DNAH10: variants seen among roughly 807,000 people sequenced by gnomAD.
DNAH10 encodes axonemal beta dynein heavy chain 10.
DNAH10 carries 348 observed loss-of-function variants against 506.6 expected under a neutral mutation model. That is an observed-to-expected ratio of 0.69 (90% CI 0.63 to 0.75). The LOEUF (loss-of-function observed/expected upper bound fraction) is 0.75, where lower values mean the gene tolerates loss of function less well. Among genes scored for constraint, DNAH10 ranks in the 30% least tolerant of loss-of-function variants. The pLI, the probability that DNAH10 is intolerant of heterozygous loss-of-function variation, is 0.00. For missense variants in DNAH10, 5,179 were observed against 5,787.1 expected, an observed-to-expected ratio of 0.89 and a Z score of 3.41; for synonymous variants, 2,059 against 2,198.6, an observed-to-expected ratio of 0.94 and a Z score of 1.78.
At chr12:123,763,816 G>A (rs2135940402) in intron 1 of DNAH10, among the ~76,000 whole-genome samples, 1 of 151,212 alleles carries the variant, frequency 6.6e-6, no homozygotes, top group East Asian at 2.0e-4. Flanking sequence ...TCCCGCCTCG[G>A]CCTCCCAAAG....
chr12:123,786,442 A>C (rs977272034), intron 9 of DNAH10, among the ~76,000 whole-genome samples: 6 of 151,202 alleles, frequency 4.0e-5, no homozygotes, highest in African/African-American at 7.3e-5. Context: ...GCCTTTTAGC[A>C]GTCAGTCCTC....
In DNAH10 at chr12:123,881,678, C is replaced by T. The variant is rs267603363; in HGVS notation, c.8688C>T (p.Phe2896=). 68 of 1,546,910 alleles carry T rather than the reference C, an allele frequency of 4.4e-5. No individual in the cohort carries two copies. Among genetic ancestry groups the T allele is most frequent in the Non-Finnish European group, 2.9e-5 (33 of 1,145,716 alleles). Residue 2896 remains phenylalanine, a synonymous_variant, in exon 51 of 79, where the codon TTC becomes TTT. Coordinates refer to ENST00000673944, the MANE Select transcript of DNAH10 (RefSeq NM_001372106.1). ...ESNTKMNLVL[F]DDALEHLTRV... is the part of the protein sequence containing the mutation. ...ACACCAAAATGAACTTGGTTCTCTT[C>T]GACGATGCTCTGGAGCATTTAACCC...
At chr12:123,874,265 G>GTCCATCCATCCATCCATCCATCCA (rs34989387) in intron 46 of DNAH10, among the ~76,000 whole-genome samples, 3 of 145,486 alleles carry the variant, frequency 2.1e-5, no homozygotes, top group Non-Finnish European at 4.5e-5. Context: ...GAGTCCGTCC[G>GTCCATCCATCCATCCATCCATCCA]TCCATCCATC....
intron 3 of DNAH10, among the ~76,000 whole-genome samples, chr12:123,772,138 G>A (rs1957275165): frequency 6.6e-6 from 1 of 152,146 alleles, no homozygotes; most frequent in Non-Finnish European, 1.5e-5. Flanking sequence ...AGTCACACAG[G>A]CATGGAGCAT....
intron 59 of DNAH10, 73 bp downstream of exon 59, chr12:123,910,745 C>G: frequency 6.5e-7 from 1 of 1,539,954 alleles, no homozygotes; most frequent in Non-Finnish European, 8.7e-7. Context: ...CATGTACATA[C>G]CTTTGCTGAA....
chr12:123,897,761 C>CG lies in DNAH10; in HGVS notation c.9281-9_9281-8insG. The CG allele has an allele frequency of 6.3e-7, 1 of 1,587,456 alleles. No individual in the cohort carries two copies. The highest frequency in any genetic ancestry group is 8.5e-7 in the Non-Finnish European group (1 of 1,173,124). On this transcript the variant is annotated splice_polypyrimidine_tract_variant and intron_variant, in intron 54 of 78. Coordinates refer to ENST00000673944, the MANE Select transcript of DNAH10 (RefSeq NM_001372106.1). ...AGAAAGAAAACATTTTTTATTCCTTCCTCTTCAGGGTATAATCCAATGATC... is the reference window on the plus strand; with the variant it reads ...AGAAAGAAAACATTTTTTATTCCTTCGCTCTTCAGGGTATAATCCAATGATC...
chr12:123,765,843 A>G (rs891654600), intron 1 of DNAH10, among the ~76,000 whole-genome samples: 2 of 146,484 alleles, frequency 1.4e-5, no homozygotes, highest in Admixed American at 6.7e-5. Flanking sequence ...CTATATATCT[A>G]TCTACCTACC....
At chr12:123,891,574 G>A (rs1049024293) in intron 52 of DNAH10, among the ~76,000 whole-genome samples, 3 of 151,542 alleles carry the variant, frequency 2.0e-5, no homozygotes, top group South Asian at 2.1e-4. Flanking sequence ...GAGGGCAGGC[G>A]GAGCACGGGG....
intron 76 of DNAH10, 81 bp downstream of exon 76, chr12:123,932,189 T>C: frequency 6.5e-7 from 1 of 1,545,130 alleles, no homozygotes; most frequent in Non-Finnish European, 8.8e-7. Context: ...ATCCCCTCTT[T>C]CCATTGCCCA....
rs373281884 is a variant in DNAH10 at position 123,838,997 on chromosome 12, A to G, written c.5136+308A>G. Among the ~76,000 whole-genome samples, 8 of 151,982 alleles carry G rather than the reference A, an allele frequency of 5.3e-5. No homozygotes were observed. The East Asian group carries it at 1.2e-3, about 22-fold the overall frequency. The stretch of plus-strand genomic sequence containing the variant: ...TGGCTAATTTTTATATATTTTTTGG[A>G]GAGATGAGGTCTCACTGTGTTACCT... On this transcript the variant is annotated intron_variant, in intron 29 of 78. Transcript: ENST00000673944.
At position 123,907,571 on chromosome 12, in the gene DNAH10, C is replaced by T. The variant is rs1338630450; in HGVS notation, c.9816-1690C>T. On this transcript the variant is annotated intron_variant, in intron 57 of 78. Transcript: ENST00000673944. The surrounding 1 kb of genome is among the most constrained non-coding windows in gnomAD (Gnocchi z 4.4). ...GCAGAAAACGTCACTTTGGTAGACT[C>T]AGAGGATTTGGGAACTGGAAGGTTC... 6.6e-6 allele frequency among the ~76,000 whole-genome samples: 1 copy of T among 152,170 alleles called. No individual in the cohort carries two copies. The highest frequency in any genetic ancestry group is 2.4e-5 in the African/African-American group (1 of 41,430).
intron 18 of DNAH10, among the ~76,000 whole-genome samples, chr12:123,806,153 A>T (rs976075037): frequency 6.6e-6 from 1 of 152,014 alleles, no homozygotes; most frequent in African/African-American, 2.4e-5. Flanking sequence ...GACTCTATGG[A>T]TTGTTAACTT....
intron 10 of DNAH10, 29 bp from the exon 11 acceptor site, chr12:123,789,898 T>G (rs772213667): frequency 6.3e-7 from 1 of 1,589,752 alleles, no homozygotes; most frequent in Non-Finnish European, 8.6e-7. Context: ...CCAAATGTAA[T>G]CTCCTCATTG....
At chr12:123,823,193 G>A (rs1959604362) in intron 24 of DNAH10, among the ~76,000 whole-genome samples, 1 of 152,202 alleles carries the variant, frequency 6.6e-6, no homozygotes, top group Admixed American at 6.5e-5. Flanking sequence ...CAGGCAGAGC[G>A]CTGGGCAGGA....
Position 123,800,373 on chromosome 12 carries a change from A to G in DNAH10, c.2447A>G (p.Glu816Gly), listed in dbSNP as rs186639935. The change falls in exon 15 of 79, where the codon GAA becomes GGA. Residue 816 changes from glutamate (E) to glycine (G), a missense_variant. By Grantham distance (98) the Glu-to-Gly change is moderately conservative. Coordinates refer to ENST00000673944, the MANE Select transcript of DNAH10 (RefSeq NM_001372106.1). ...PELARNVALQ[E>G]DKFLRYTAGI... ...TTAGCAAGAAATGTTGCTCTCCAGG[A>G]AGACAAATTCCTTAGGTAAAAAAAT... 1.6e-5 allele frequency: 26 copies of G among 1,613,408 alleles called. No individual in the cohort carries two copies. The African/African-American group carries it at 2.9e-4, about 18-fold the overall frequency.
chr12:123,767,488 C>G, intron 1 of DNAH10, 118 bp from the exon 2 acceptor site: 1 of 886,792 alleles, frequency 1.1e-6, no homozygotes, highest in Non-Finnish European at 1.7e-6. Flanking sequence ...TGTAACATAA[C>G]GAGTCTCCTG....
At chr12:123,889,858 G>A (rs1952899470) in intron 52 of DNAH10, among the ~76,000 whole-genome samples, 1 of 152,194 alleles carries the variant, frequency 6.6e-6, no homozygotes. Flanking sequence ...CTGTTTCCCT[G>A]TCTCTTCCAA....
chr12:123,807,047 C>T (rs373257566), intron 18 of DNAH10, among the ~76,000 whole-genome samples: 6 of 152,290 alleles, frequency 3.9e-5, no homozygotes, highest in African/African-American at 7.2e-5. Context: ...GGATTACAGG[C>T]GTGAGCCACC....
chr12:123,926,297 T>A lies in DNAH10; in HGVS notation c.11922-340T>A. 2 of 240,154 alleles carry A rather than the reference T, an allele frequency of 8.3e-6. No homozygotes were observed. The highest frequency in any genetic ancestry group is 7.8e-6 in the Non-Finnish European group (1 of 127,762). 14.9% of individuals were successfully genotyped at this position (240,154 alleles called of 1,614,324 possible). A position where few individuals can be genotyped will look rare whatever the true frequency, so the allele number is the denominator to read the frequency against. ...ACACACAAAACACAAAACTCAAAAC[T>A]CAAGATGTGGACCATTCAGGACACG... is the stretch of plus-strand genomic sequence containing the variant. On this transcript the variant is annotated intron_variant, in intron 68 of 78. Coordinates refer to ENST00000673944, the MANE Select transcript of DNAH10 (RefSeq NM_001372106.1). This position sits in a 1 kb window ranked among gnomAD's most constrained non-coding sequence, Gnocchi z 4.1.
Sources: allele counts gnomAD v4.1 joint callset (sites outside exome capture counted in the v4.1 genomes callset), GRCh38; gene constraint gnomAD v4.1.1; non-coding constraint Gnocchi (gnomAD v3.1); transcripts MANE v1.5; gene names NCBI Gene and HGNC (gene_info 2026-07-23, HGNC 2026-07-21).